PDE4D: variants seen among roughly 807,000 people sequenced by gnomAD.
PDE4D encodes phosphodiesterase 4D.
A neutral mutation model predicts 87.4 loss-of-function variants in PDE4D; 24 were observed. The ratio of observed to expected loss-of-function variants is 0.27; its 90% CI spans 0.20 to 0.39. The LOEUF is 0.39. PDE4D is among the 10% of genes least tolerant of loss of function. The pLI is 1.00. For missense variants in PDE4D, 714 were observed against 1,041.0 expected, an observed-to-expected ratio of 0.69 and a Z score of 4.32; for synonymous variants, 384 against 383.2, an observed-to-expected ratio of 1.00 and a Z score of -0.02.
chr5:59,199,865 T>C (rs1474124080), intron 2 of PDE4D, among the ~76,000 whole-genome samples: 1 of 151,982 alleles, frequency 6.6e-6, no homozygotes, highest in Non-Finnish European at 1.5e-5. Flanking sequence ...TACATGTACA[T>C]ATATACATAC....
At chr5:60,267,305 T>TTG (rs1750319321) in intron 1 of PDE4D, among the ~76,000 whole-genome samples, 2 of 152,144 alleles carry the variant, frequency 1.3e-5, no homozygotes, top group South Asian at 2.1e-4. Context: ...CATGTGAGGG[T>TTG]TGTGTGTGTG....
chr5:59,693,820 G>A (rs908126022), intron 1 of PDE4D, among the ~76,000 whole-genome samples: 1 of 152,274 alleles, frequency 6.6e-6, no homozygotes, highest in Middle Eastern at 3.4e-3. Context: ...ATAAAGGAAA[G>A]AATCTAAATA....
chr5:59,087,254 G>A (rs1026674827), intron 5 of PDE4D, among the ~76,000 whole-genome samples: 6 of 152,132 alleles, frequency 3.9e-5, no homozygotes, highest in African/African-American at 1.2e-4. Flanking sequence ...GGAGGCTGAG[G>A]TGGGATGATT....
rs189639330 is a variant in PDE4D, at chr5:60,165,957, C to T, written c.42+19600G>A. On this transcript the variant is annotated intron_variant, in intron 2 of 16. Transcript: ENST00000502484. ...TTTTGTAGAGTCTTTGTTTATTTCT[C>T]TCTTACTGCCCTTCTTTGTGGTTAA... 6.6e-5 allele frequency among the ~76,000 whole-genome samples: 10 copies of T among 152,062 alleles called. No individual in the cohort carries two copies. The East Asian group carries it at 1.7e-3, about 26-fold the overall frequency.
chr5:59,373,631 C>A (rs961969236), intron 1 of PDE4D, among the ~76,000 whole-genome samples: 2 of 152,164 alleles, frequency 1.3e-5, no homozygotes, highest in Non-Finnish European at 2.9e-5. Flanking sequence ...TCCATGAGAA[C>A]TTCCCTAACC....
chr5:59,280,809 A>C (rs1278670722), intron 1 of PDE4D, among the ~76,000 whole-genome samples: 1 of 151,956 alleles, frequency 6.6e-6, no homozygotes, highest in African/African-American at 2.4e-5. Flanking sequence ...TCAAGTGCCC[A>C]GTGGGGATTT....
At chr5:59,858,052 G>C (rs1482428210) in intron 1 of PDE4D, among the ~76,000 whole-genome samples, 2 of 152,048 alleles carry the variant, frequency 1.3e-5, no homozygotes, top group Non-Finnish European at 2.9e-5. Context: ...AGGCAGGCAG[G>C]AAGTCAAGCA....
intron 1 of PDE4D, among the ~76,000 whole-genome samples, chr5:60,382,018 T>A (rs2150007981): frequency 6.6e-6 from 1 of 152,334 alleles, no homozygotes; most frequent in Non-Finnish European, 1.5e-5. Flanking sequence ...TTATACTGTA[T>A]ACTTTTCACA....
At chr5:59,975,432 A>G (rs1325460343) in intron 3 of PDE4D, among the ~76,000 whole-genome samples, 1 of 152,162 alleles carries the variant, frequency 6.6e-6, no homozygotes, top group East Asian at 1.9e-4. Flanking sequence ...ATTCTAATTC[A>G]CCTGTTTGAC....
In PDE4D at chr5:59,698,709, C is replaced by T. The variant is rs147470726; in HGVS notation, c.455+194459G>A. 2.6e-5 allele frequency among the ~76,000 whole-genome samples: 4 copies of T among 152,156 alleles called. No homozygotes were observed. In the East Asian group the frequency reaches 5.8e-4, roughly 22 times the overall value. ...AAAGCAAATCTATTCAAAAGAAAACCATAATTACATATGCAGCTCTCTTGA... is the reference window on the plus strand; with the variant it reads ...AAAGCAAATCTATTCAAAAGAAAACTATAATTACATATGCAGCTCTCTTGA... On this transcript the variant is annotated intron_variant, in intron 1 of 14. Coordinates refer to ENST00000340635, the MANE Select transcript of PDE4D (RefSeq NM_001104631.2).
chr5:60,406,618 C>T (rs991101908), intron 1 of PDE4D, among the ~76,000 whole-genome samples: 4 of 152,132 alleles, frequency 2.6e-5, no homozygotes, highest in Admixed American at 2.6e-4. Context: ...GATCACACTT[C>T]CACCTTTGAT....
chr5:59,697,949 C>T (rs1752021822), intron 1 of PDE4D, among the ~76,000 whole-genome samples: 1 of 152,078 alleles, frequency 6.6e-6, no homozygotes. Context: ...TACTGAAGCT[C>T]TATAGACATC....
intron 5 of PDE4D, among the ~76,000 whole-genome samples, chr5:59,129,606 A>C (rs1187635856): frequency 1.3e-5 from 2 of 152,218 alleles, no homozygotes; most frequent in Non-Finnish European, 2.9e-5. Flanking sequence ...CGATTATATA[A>C]ATATGATCTT....
rs886542904 is a variant in PDE4D at position 58,991,230 on chromosome 5, C to G, written c.1189-328G>C. Among the ~76,000 whole-genome samples the G allele has an allele frequency of 2.6e-5, 4 of 152,152 alleles. No homozygotes were observed. In the South Asian group the frequency reaches 6.2e-4, roughly 24 times the overall value. On this transcript the variant is annotated intron_variant, in intron 8 of 14. Coordinates refer to ENST00000340635, the MANE Select transcript of PDE4D (RefSeq NM_001104631.2). ...CCAGGAGGCAGAGGTTGTAGTGAGC[C>G]AAGATCGCGCCACTGCATTCTGCAA...
chr5:59,298,112 A>ATTT (rs1769442313), intron 1 of PDE4D, among the ~76,000 whole-genome samples: 1 of 132,952 alleles, frequency 7.5e-6, no homozygotes, highest in South Asian at 2.7e-4. Context: ...CACAAGTGAA[A>ATTT]CTTTTTTTTT....
At chr5:59,837,815 A>G (rs938206955) in intron 1 of PDE4D, among the ~76,000 whole-genome samples, 2 of 152,214 alleles carry the variant, frequency 1.3e-5, no homozygotes, top group South Asian at 4.1e-4. Flanking sequence ...CTCCTTAAAG[A>G]TGAAAGTTCA....
At chr5:60,448,786 A>G (rs1745853984) in intron 1 of PDE4D, 1 of 152,160 alleles carries the variant, frequency 6.6e-6, no homozygotes, top group Admixed American at 6.6e-5. Context: ...TTCATAGCAG[A>G]TATTTTAATG....
At chr5:60,135,472 G>A (rs963727703) in intron 2 of PDE4D, among the ~76,000 whole-genome samples, 3 of 152,088 alleles carry the variant, frequency 2.0e-5, no homozygotes, top group Non-Finnish European at 2.9e-5. Flanking sequence ...TGCAAGATGA[G>A]CTATGAAAAA....
chr5:59,510,665 T>C (rs544986041), intron 1 of PDE4D, among the ~76,000 whole-genome samples: 1 of 151,854 alleles, frequency 6.6e-6, no homozygotes, highest in Non-Finnish European at 1.5e-5. Flanking sequence ...ATGACTTACC[T>C]GGAAAAATAT....
Sources: gnomAD v4.1 joint callset for allele counts (sites outside exome capture counted in the v4.1 genomes callset) on GRCh38, gnomAD v4.1.1 for gene constraint, MANE v1.5 for transcripts, NCBI Gene and HGNC (gene_info 2026-07-23, HGNC 2026-07-21) for gene names.